MFHAS1: variants seen among roughly 807,000 people sequenced by gnomAD.
MFHAS1 encodes multifunctional ROCO family signaling regulator 1, also known as malignant fibrous histiocytoma-amplified sequence 1.
A neutral mutation model predicts 70.4 loss-of-function variants in MFHAS1; 50 were observed. The observed-to-expected ratio is 0.71, with a 90% CI of 0.57 to 0.90. MFHAS1 has a LOEUF of 0.90. Ranked by LOEUF, MFHAS1 falls within the 40% of genes least tolerant of loss-of-function variation. The probability of loss-of-function intolerance (pLI) is 0.00; values close to 1 mark genes in which losing one functional copy is unlikely to be tolerated. For missense variants in MFHAS1, 1,795 were observed against 1,347.6 expected (o/e 1.33, Z -5.20); for synonymous variants, 952 against 620.0 (o/e 1.54, Z -7.96).
At chr8:8,873,310 G>C (rs1809159825) in intron 1 of MFHAS1, among the ~76,000 whole-genome samples, 1 of 152,030 alleles carries the variant, frequency 6.6e-6, no homozygotes, top group Non-Finnish European at 1.5e-5. Flanking sequence ...CATTGACTTG[G>C]CAGTTAGCAT....
Position 8,860,561 on chromosome 8 carries a change from C to A in MFHAS1, c.2998+29500G>T, listed in dbSNP as rs150304918. 1.9e-3 allele frequency among the ~76,000 whole-genome samples: 287 copies of A among 152,314 alleles called. 1 individual carries two copies. The highest frequency in any genetic ancestry group is 3.3e-3 in the Non-Finnish European group (227 of 68,026). On this transcript the variant is annotated intron_variant, in intron 1 of 2. Coordinates refer to ENST00000276282, the MANE Select transcript of MFHAS1 (RefSeq NM_004225.3). Reference sequence around the variant, plus strand: ...ATGTGTCTTCAGGAATTCCCCGGGGCTCTTCCTGTGGTGCTGAGAGTGGCT... The same window carrying A: ...ATGTGTCTTCAGGAATTCCCCGGGGATCTTCCTGTGGTGCTGAGAGTGGCT...
chr8:8,882,740 C>G (rs1040973746), intron 1 of MFHAS1, among the ~76,000 whole-genome samples: 1 of 152,246 alleles, frequency 6.6e-6, no homozygotes, highest in Non-Finnish European at 1.5e-5. Flanking sequence ...CTAGAGCAGC[C>G]TTGGAGAAGG....
intron 1 of MFHAS1, among the ~76,000 whole-genome samples, chr8:8,848,374 G>A (rs1808109591): frequency 6.7e-6 from 1 of 148,732 alleles, no homozygotes; most frequent in Non-Finnish European, 1.5e-5. Context: ...TTTTAAAAAG[G>A]GCCAGTCAGG....
At chr8:8,861,715 G>C (rs988143559) in intron 1 of MFHAS1, among the ~76,000 whole-genome samples, 2 of 152,128 alleles carry the variant, frequency 1.3e-5, no homozygotes, top group African/African-American at 4.8e-5. Flanking sequence ...AGGTTCTCTT[G>C]TACCCCTCTG....
At chr8:8,874,298 T>C (rs1809203741) in intron 1 of MFHAS1, among the ~76,000 whole-genome samples, 1 of 151,570 alleles carries the variant, frequency 6.6e-6, no homozygotes, top group Admixed American at 6.6e-5. Flanking sequence ...GGTAGACTAC[T>C]ATGCTATATT....
chr8:8,796,225 G>A (rs1805888591), intron 2 of MFHAS1, among the ~76,000 whole-genome samples: 1 of 152,056 alleles, frequency 6.6e-6, no homozygotes, highest in Non-Finnish European at 1.5e-5. Context: ...TCCATTTTGG[G>A]GCAAGGTGGT....
At position 8,840,891 on chromosome 8, in the gene MFHAS1, T is replaced by C. The variant is rs187704524; in HGVS notation, c.2999-43400A>G. Among the ~76,000 whole-genome samples, 266 of 152,342 alleles carry C rather than the reference T, an allele frequency of 1.7e-3. 2 individuals are homozygous for C. The highest frequency in any genetic ancestry group is 2.1e-3 in the Non-Finnish European group (143 of 68,042). On this transcript the variant is annotated intron_variant, in intron 1 of 2. Transcript: ENST00000276282. The stretch of plus-strand genomic sequence containing the variant: ...TACAGGATTCCTGATTCAAATATCT[T>C]ATAAATCCTTTAGTAAAATGATACA...
At chr8:8,859,762 A>C (rs1808592340) in intron 1 of MFHAS1, among the ~76,000 whole-genome samples, 1 of 152,220 alleles carries the variant, frequency 6.6e-6, no homozygotes, top group Non-Finnish European at 1.5e-5. Context: ...TTGACTGTTA[A>C]TGCTATCAGT....
At chr8:8,863,935 G>A (rs186853949) in intron 1 of MFHAS1, among the ~76,000 whole-genome samples, 2 of 152,304 alleles carry the variant, frequency 1.3e-5, no homozygotes, top group African/African-American at 4.8e-5. Context: ...TGGACAAGGA[G>A]ACACCAGACC....
intron 1 of MFHAS1, among the ~76,000 whole-genome samples, chr8:8,851,083 AAG>A (rs958750623): frequency 1.3e-5 from 2 of 152,178 alleles, no homozygotes; most frequent in African/African-American, 4.8e-5. Context: ...AGCGTGCCTC[AAG>A]AGGTTAGGAG....
At chr8:8,807,171 C>A (rs1419035357) in intron 1 of MFHAS1, among the ~76,000 whole-genome samples, 1 of 152,124 alleles carries the variant, frequency 6.6e-6, no homozygotes, top group Non-Finnish European at 1.5e-5. Context: ...ACCACAAGGG[C>A]AGGGACTATT....
At chr8:8,805,805 C>T (rs1214926253) in intron 1 of MFHAS1, among the ~76,000 whole-genome samples, 1 of 152,174 alleles carries the variant, frequency 6.6e-6, no homozygotes, top group African/African-American at 2.4e-5. Flanking sequence ...TCAAGAGATT[C>T]TCCTGCCTCA....
intron 1 of MFHAS1, among the ~76,000 whole-genome samples, chr8:8,862,835 G>A (rs1241833790): frequency 2.0e-5 from 3 of 152,144 alleles, no homozygotes; most frequent in Admixed American, 6.5e-5. Flanking sequence ...GGGAACAGAT[G>A]GGCAATCTCA....
chr8:8,855,060 C>A (rs888159657), intron 1 of MFHAS1, among the ~76,000 whole-genome samples: 1 of 152,100 alleles, frequency 6.6e-6, no homozygotes, highest in Non-Finnish European at 1.5e-5. Flanking sequence ...CAGTCGTGGT[C>A]CTCCCTCAGT....
intron 1 of MFHAS1, among the ~76,000 whole-genome samples, chr8:8,863,759 C>A: frequency 6.6e-6 from 1 of 152,204 alleles, no homozygotes; most frequent in East Asian, 1.9e-4. Flanking sequence ...CATCATCTCA[C>A]AGAACTAATC....
chr8:8,844,907 G>A (rs1199665440), intron 1 of MFHAS1, among the ~76,000 whole-genome samples: 3 of 151,160 alleles, frequency 2.0e-5, no homozygotes, highest in African/African-American at 7.3e-5. Context: ...GTATTTTCAA[G>A]AAGAAGGCCC....
chr8:8,880,698 T>G (rs61242114), intron 1 of MFHAS1, among the ~76,000 whole-genome samples: 24 of 148,948 alleles, frequency 1.6e-4, no homozygotes, highest in African/African-American at 2.0e-4. Context: ...TTTTTTTTTT[T>G]CCCCCAGATG....
intron 1 of MFHAS1, among the ~76,000 whole-genome samples, chr8:8,819,889 G>A (rs1277542223): frequency 6.6e-6 from 1 of 151,980 alleles, no homozygotes; most frequent in Non-Finnish European, 1.5e-5. Context: ...TGATAGAGAC[G>A]GGGTCTTTAC....
At chr8:8,820,867 G>A (rs78499761) in intron 1 of MFHAS1, among the ~76,000 whole-genome samples, 3,207 of 152,314 alleles carry the variant, frequency 0.021, 116 homozygotes, top group African/African-American at 0.073. Flanking sequence ...AATGATCTAA[G>A]TGGAGAGCCA....
Sources: allele counts gnomAD v4.1 joint callset (sites outside exome capture counted in the v4.1 genomes callset), GRCh38; gene constraint gnomAD v4.1.1; transcripts MANE v1.5; gene names NCBI Gene and HGNC (gene_info 2026-07-23, HGNC 2026-07-21).